Variants in MEOX2 observed in about 807,000 individuals in gnomAD.
The protein encoded by MEOX2 is mesenchyme homeobox 2.
In MEOX2, 11 loss-of-function variants were observed where a neutral mutation model predicts 27.0. The ratio of observed to expected loss-of-function variants is 0.41; its 90% CI spans 0.26 to 0.68. MEOX2 has a LOEUF of 0.68. Ranked by LOEUF, MEOX2 falls within the 30% of genes least tolerant of loss-of-function variation. The pLI, the probability that MEOX2 is intolerant of heterozygous loss-of-function variation, is 0.33. For synonymous variants in MEOX2, 189 were observed against 155.4 expected, an observed-to-expected ratio of 1.22 and a Z score of -1.61; for missense variants, 436 against 385.4, an observed-to-expected ratio of 1.13 and a Z score of -1.10.
intron 2 of MEOX2, among the ~76,000 whole-genome samples, chr7:15,625,948 GC>G (rs1781296883): frequency 6.6e-6 from 1 of 152,130 alleles, no homozygotes; most frequent in South Asian, 2.1e-4. Flanking sequence ...TGAGTGGGTA[GC>G]AGAATTTTGA....
chr7:15,636,348 A>G (rs1435605179), intron 1 of MEOX2, among the ~76,000 whole-genome samples: 1 of 152,028 alleles, frequency 6.6e-6, no homozygotes, highest in Admixed American at 6.6e-5. Context: ...CTTTGGTTTC[A>G]AAGTATAATA....
intron 1 of MEOX2, among the ~76,000 whole-genome samples, chr7:15,647,235 A>T (rs1781665328): frequency 6.6e-6 from 1 of 152,092 alleles, no homozygotes; most frequent in Admixed American, 6.6e-5. Flanking sequence ...CCAGAAATCT[A>T]TGATACTCAA....
intron 1 of MEOX2, among the ~76,000 whole-genome samples, chr7:15,682,247 C>G (rs1348336880): frequency 2.0e-5 from 3 of 151,676 alleles, no homozygotes; most frequent in African/African-American, 2.4e-5. Context: ...TCCAGTAACA[C>G]AGAAATGAAT....
chr7:15,652,998 T>C (rs1292541362), intron 1 of MEOX2, among the ~76,000 whole-genome samples: 1 of 152,084 alleles, frequency 6.6e-6, no homozygotes, highest in Admixed American at 6.6e-5. Context: ...TACTCAAAAG[T>C]GCAACTGGTG....
At chr7:15,614,915 G>C (rs1167912253) in intron 2 of MEOX2, among the ~76,000 whole-genome samples, 1 of 152,026 alleles carries the variant, frequency 6.6e-6, no homozygotes, top group African/African-American at 2.4e-5. Flanking sequence ...TGCTTTCACA[G>C]TGAAATATTT....
At chr7:15,665,725 A>G (rs958531104) in intron 1 of MEOX2, among the ~76,000 whole-genome samples, 4 of 152,232 alleles carry the variant, frequency 2.6e-5, no homozygotes, top group African/African-American at 9.6e-5. Context: ...GATCAAGTGG[A>G]CATCAGTAAT....
chr7:15,641,314 C>T (rs1439122037), intron 1 of MEOX2, among the ~76,000 whole-genome samples: 2 of 152,090 alleles, frequency 1.3e-5, no homozygotes, highest in African/African-American at 2.4e-5. Context: ...TTAAATCTTA[C>T]TGAATTGAGT....
chr7:15,655,234 A>G (rs1781799734), intron 1 of MEOX2, among the ~76,000 whole-genome samples: 1 of 151,722 alleles, frequency 6.6e-6, no homozygotes, highest in Non-Finnish European at 1.5e-5. Context: ...TATCTCTTAT[A>G]TAATAACTAA....
rs79958650 is a variant in MEOX2, at chr7:15,661,835, A to G, written c.517+24051T>C. On this transcript the variant is annotated intron_variant, in intron 1 of 2. Transcript: ENST00000262041. ...CTACCTGCTTAAGCATTGACAAATT[A>G]TTCAGTAACAGATAATGACTGGCTG... is the stretch of plus-strand genomic sequence containing the variant. Among the ~76,000 whole-genome samples, 3 of 152,320 alleles carry G rather than the reference A, an allele frequency of 2.0e-5. No individual in the cohort carries two copies. The East Asian group carries it at 5.8e-4, about 29-fold the overall frequency.
intron 1 of MEOX2, among the ~76,000 whole-genome samples, chr7:15,642,935 T>C (rs1354553851): frequency 1.3e-5 from 2 of 152,176 alleles, no homozygotes; most frequent in Non-Finnish European, 2.9e-5. Context: ...TTGTACGTTG[T>C]AGTAGTGATG....
chr7:15,613,102 A>T (rs1781059165), intron 2 of MEOX2, among the ~76,000 whole-genome samples: 1 of 152,232 alleles, frequency 6.6e-6, no homozygotes. Context: ...CTGCTTTCAC[A>T]AATCTTTATT....
chr7:15,645,812 G>T (rs1331939309), intron 1 of MEOX2, among the ~76,000 whole-genome samples: 3 of 152,078 alleles, frequency 2.0e-5, no homozygotes, highest in Non-Finnish European at 4.4e-5. Flanking sequence ...AATGATCACG[G>T]AAATATATAT....
Position 15,614,235 on chromosome 7 carries a change from A to G in MEOX2, c.691-1624T>C, listed in dbSNP as rs906765669. Among the ~76,000 whole-genome samples the G allele has an allele frequency of 4.8e-4, 71 of 148,860 alleles. 1 individual carries two copies. Among genetic ancestry groups the G allele is most frequent in the African/African-American group, 9.8e-5 (4 of 40,752 alleles). ...AAAATAAAATAAAATAAAATAAAAT[A>G]AAATAAAATAAAATAAAATAAAATA... On this transcript the variant is annotated intron_variant, in intron 2 of 2. Transcript: ENST00000262041.
chr7:15,658,152 C>T (rs928107841), intron 1 of MEOX2, among the ~76,000 whole-genome samples: 4 of 152,216 alleles, frequency 2.6e-5, no homozygotes, highest in African/African-American at 9.6e-5. Flanking sequence ...ACGAGGCCTC[C>T]TTTGAAACCA....
intron 2 of MEOX2, among the ~76,000 whole-genome samples, chr7:15,618,324 T>A (rs17168908): frequency 0.026 from 3,966 of 152,150 alleles, 161 homozygotes; most frequent in African/African-American, 0.091. Context: ...TCAAATTTAA[T>A]GAAAATATCA....
At chr7:15,619,763 G>A (rs17168912) in intron 2 of MEOX2, among the ~76,000 whole-genome samples, 4 of 151,780 alleles carry the variant, frequency 2.6e-5, no homozygotes, top group African/African-American at 7.3e-5. Flanking sequence ...ATATTCTTAA[G>A]GCCAGTTCAA....
intron 1 of MEOX2, among the ~76,000 whole-genome samples, chr7:15,656,063 T>C (rs550069936): frequency 6.6e-6 from 1 of 151,848 alleles, no homozygotes; most frequent in Non-Finnish European, 1.5e-5. Context: ...GATACCTACA[T>C]CTTCTCAATG....
At chr7:15,665,210 T>A (rs1760804594) in intron 1 of MEOX2, among the ~76,000 whole-genome samples, 1 of 152,146 alleles carries the variant, frequency 6.6e-6, no homozygotes, top group South Asian at 2.1e-4. Context: ...TGAATCTATA[T>A]GATTTCCTCC....
chr7:15,660,966 T>G (rs945226441), intron 1 of MEOX2, among the ~76,000 whole-genome samples: 7 of 116,860 alleles, frequency 6.0e-5, no homozygotes, highest in Admixed American at 1.3e-4. Context: ...TGAGCCGAGA[T>G]CATGCCATTG....
Sources: gnomAD v4.1 joint callset for allele counts (sites outside exome capture counted in the v4.1 genomes callset) on GRCh38, gnomAD v4.1.1 for gene constraint, MANE v1.5 for transcripts, NCBI Gene and HGNC (gene_info 2026-07-23, HGNC 2026-07-21) for gene names.